Variants in PLD1 observed in about 807,000 individuals in gnomAD.
PLD1 encodes choline phosphatase 1.
Under a neutral mutation model 137.1 loss-of-function variants are expected in PLD1, and 112 were observed. That is an observed-to-expected ratio of 0.82 (90% CI 0.70 to 0.96). The LOEUF (loss-of-function observed/expected upper bound fraction) is 0.96. Among genes scored for constraint, PLD1 ranks in the 40% least tolerant of loss-of-function variants. The probability of loss-of-function intolerance (pLI) is 0.00; values close to 1 mark genes in which losing one functional copy is unlikely to be tolerated. For missense variants in PLD1, 1,321 were observed against 1,342.0 expected, an observed-to-expected ratio of 0.98 and a Z score of 0.24; for synonymous variants, 431 against 454.7, an observed-to-expected ratio of 0.95 and a Z score of 0.66.
chr3:171,713,095 T>C (rs1320111554), intron 9 of PLD1, among the ~76,000 whole-genome samples: 6 of 152,188 alleles, frequency 3.9e-5, no homozygotes, highest in Non-Finnish European at 7.3e-5. Flanking sequence ...AACTACAATC[T>C]TCCAGAAAGA....
At chr3:171,641,939 A>T (rs1202291680) in intron 23 of PLD1, among the ~76,000 whole-genome samples, 2 of 152,164 alleles carry the variant, frequency 1.3e-5, no homozygotes, top group African/African-American at 2.4e-5. Flanking sequence ...ACGTTTTCAC[A>T]ATCTGGACCC....
chr3:171,747,627 G>GCTC (rs1279040918), intron 1 of PLD1, among the ~76,000 whole-genome samples: 6 of 152,012 alleles, frequency 3.9e-5, no homozygotes, highest in Admixed American at 3.9e-4. Context: ...AACCATCCTG[G>GCTC]CTCCTGCAGA....
intron 16 of PLD1, among the ~76,000 whole-genome samples, chr3:171,680,053 G>C (rs948897406): frequency 6.6e-6 from 1 of 151,964 alleles, no homozygotes; most frequent in Non-Finnish European, 1.5e-5. Context: ...TATGAGAAGG[G>C]GGACTTCTTG....
Position 171,764,826 on chromosome 3 carries a change from AGAAAG to A in PLD1, c.-31-26749_-31-26745del, listed in dbSNP as rs1721700621. Among the ~76,000 whole-genome samples, 3 of 23,754 alleles carry A rather than the reference AGAAAG, an allele frequency of 1.3e-4. 1 individual carries two copies. In the South Asian group the frequency reaches 3.9e-3, roughly 31 times the overall value. The allele number at this position is 23,754 out of a possible 152,430, so 15.6% of individuals were successfully genotyped here. On this transcript the variant is annotated intron_variant, in intron 1 of 26. Transcript: ENST00000351298. ...TGGGCAAATCAAGAAAGAAAGAAAG[AGAAAG>A]AAAGAAAGAAAGAAAGAAAGAAAGA...
chr3:171,750,410 A>G (rs1354564663), intron 1 of PLD1, among the ~76,000 whole-genome samples: 1 of 152,210 alleles, frequency 6.6e-6, no homozygotes, highest in Admixed American at 6.5e-5. Context: ...TACTTTAAAA[A>G]TCTAACAAGC....
rs1400405846 is a variant in PLD1 at position 171,600,442 on chromosome 3, CT to C, written c.*2635del. On this transcript the variant is annotated 3_prime_UTR_variant, in exon 27 of 27. Transcript: ENST00000351298. ...ATTTATAGGCATTTCAAAATAGTCA[CT>C]TTGAAATGTTGAGCAGATTCATGAT... 1 of 152,156 alleles carries C rather than the reference CT, an allele frequency of 6.6e-6. No homozygotes were observed. The highest frequency in any genetic ancestry group is 1.5e-5 in the Non-Finnish European group (1 of 68,032). The allele number at this position is 152,156 out of a possible 1,614,324, so 9.4% of individuals were successfully genotyped here.
At chr3:171,634,851 C>T (rs531031811) in intron 23 of PLD1, among the ~76,000 whole-genome samples, 28 of 152,046 alleles carry the variant, frequency 1.8e-4, no homozygotes, top group African/African-American at 5.1e-4. Context: ...TTCACAAGGC[C>T]GTACAACCAT....
chr3:171,641,466 C>T (rs1424084705), intron 23 of PLD1, among the ~76,000 whole-genome samples: 4 of 152,136 alleles, frequency 2.6e-5, no homozygotes, highest in Non-Finnish European at 2.9e-5. Flanking sequence ...ATTTTCTACC[C>T]ACATTCCAGT....
intron 19 of PLD1, among the ~76,000 whole-genome samples, chr3:171,667,994 T>G (rs1042135826): frequency 1.3e-5 from 2 of 152,194 alleles, no homozygotes; most frequent in African/African-American, 2.4e-5. Flanking sequence ...TCAGGTGATC[T>G]GCCCACCTTG....
At chr3:171,668,657 A>G (rs547995784) in intron 19 of PLD1, among the ~76,000 whole-genome samples, 1 of 151,718 alleles carries the variant, frequency 6.6e-6, no homozygotes, top group South Asian at 2.1e-4. Context: ...AGTAGGACTG[A>G]AGACATTATT....
intron 22 of PLD1, 125 bp downstream of exon 22, chr3:171,644,785 T>C: frequency 1.5e-6 from 1 of 657,192 alleles, no homozygotes; most frequent in South Asian, 1.8e-5. Flanking sequence ...GATTTGAAAG[T>C]AAAATAAAGT....
At chr3:171,800,761 C>T (rs1326761449) in intron 1 of PLD1, among the ~76,000 whole-genome samples, 2 of 152,194 alleles carry the variant, frequency 1.3e-5, no homozygotes, top group South Asian at 2.1e-4. Context: ...GATCAAGGTG[C>T]TTGCAGATTT....
At chr3:171,683,078 C>T (rs1230422387) in intron 16 of PLD1, among the ~76,000 whole-genome samples, 1 of 152,134 alleles carries the variant, frequency 6.6e-6, no homozygotes, top group African/African-American at 2.4e-5. Flanking sequence ...TGGCAATTGT[C>T]CTCAAATTTT....
chr3:171,621,381 A>G (rs1306393866), intron 23 of PLD1, among the ~76,000 whole-genome samples: 1 of 152,212 alleles, frequency 6.6e-6, no homozygotes, highest in African/African-American at 2.4e-5. Context: ...AATGGAGTGG[A>G]ACCAAACTAT....
intron 19 of PLD1, among the ~76,000 whole-genome samples, chr3:171,664,089 T>C (rs1224997785): frequency 6.6e-6 from 1 of 152,134 alleles, no homozygotes; most frequent in Non-Finnish European, 1.5e-5. Context: ...ATTAAAAAAA[T>C]TATCAGATGA....
chr3:171,662,111 GTGGA>G lies in PLD1; in HGVS notation c.2285_2288del (p.Ile762ThrfsTer7). On this transcript the variant is annotated frameshift_variant, in exon 20 of 27. Transcript: ENST00000351298. LOFTEE classifies it high-confidence loss of function. The stretch of plus-strand genomic sequence containing the variant: ...TCTCTATCACATGGACGTAAGCGGC[GTGGA>G]TGGACTCTTCATGGTACTTTATACC... 1 of 1,613,544 alleles carries G rather than the reference GTGGA, an allele frequency of 6.2e-7. No homozygotes were observed. Among genetic ancestry groups the G allele is most frequent in the Non-Finnish European group, 8.5e-7 (1 of 1,179,482 alleles).
At chr3:171,726,652 T>G (rs1718536778) in intron 6 of PLD1, among the ~76,000 whole-genome samples, 1 of 152,156 alleles carries the variant, frequency 6.6e-6, no homozygotes, top group Admixed American at 6.5e-5. Flanking sequence ...TCAGGCATAA[T>G]GAAAAGAATT....
At chr3:171,749,365 A>G (rs974293098) in intron 1 of PLD1, among the ~76,000 whole-genome samples, 1 of 152,140 alleles carries the variant, frequency 6.6e-6, no homozygotes, top group East Asian at 1.9e-4. Flanking sequence ...TTACAAAAAA[A>G]CCCAGAGCTT....
At chr3:171,807,466 G>A (rs1314107610) in intron 1 of PLD1, among the ~76,000 whole-genome samples, 1 of 152,116 alleles carries the variant, frequency 6.6e-6, no homozygotes, top group South Asian at 2.1e-4. Context: ...GTAGCACAAC[G>A]ATGTGAATGT....
Sources: gnomAD v4.1 joint callset for allele counts (sites outside exome capture counted in the v4.1 genomes callset) on GRCh38, gnomAD v4.1.1 for gene constraint, MANE v1.5 for transcripts, NCBI Gene and HGNC (gene_info 2026-07-23, HGNC 2026-07-21) for gene names.